Variants in PRKN observed in about 807,000 individuals in gnomAD.
PRKN encodes E3 ubiquitin-protein ligase parkin.
A neutral mutation model predicts 59.5 loss-of-function variants in PRKN; 56 were observed. The ratio of observed to expected loss-of-function variants is 0.94; its 90% CI spans 0.76 to 1.18. The LOEUF (loss-of-function observed/expected upper bound fraction) is 1.18, where lower values mean the gene tolerates loss of function less well. PRKN is among the 50% of genes most tolerant of loss of function. PRKN has a pLI of 0.00. For synonymous variants in PRKN, 250 were observed against 222.1 expected (o/e 1.13, Z -1.12); for missense variants, 657 against 596.4 (o/e 1.10, Z -1.06).
At position 162,624,639 on chromosome 6, in the gene PRKN, A is replaced by G; in HGVS notation, c.7+103023T>C. 2 of 152,248 alleles carry G rather than the reference A, an allele frequency of 1.3e-5. 1 individual carries two copies. The highest frequency in any genetic ancestry group is 2.9e-5 in the Non-Finnish European group (2 of 68,040). The allele number at this position is 152,248 out of a possible 1,614,324, so 9.4% of individuals were successfully genotyped here. A position where few individuals can be genotyped will look rare whatever the true frequency, so the allele number is the denominator to read the frequency against. On this transcript the variant is annotated intron_variant, in intron 1 of 11. Transcript: ENST00000366898. ...AGCTGCATCTTAAAAGACTCTTGGG[A>G]TTCAAACAATCTATAGGAGGAAGAC...
chr6:162,190,960 A>G (rs1304037525), intron 4 of PRKN, among the ~76,000 whole-genome samples: 1 of 151,936 alleles, frequency 6.6e-6, no homozygotes, highest in Non-Finnish European at 1.5e-5. Context: ...TTCACTCTGC[A>G]GAGACTCAGG....
chr6:162,151,900 T>G (rs1352939440), intron 4 of PRKN, among the ~76,000 whole-genome samples: 1 of 152,108 alleles, frequency 6.6e-6, no homozygotes, highest in Non-Finnish European at 1.5e-5. Flanking sequence ...TAATTTACAC[T>G]GATTATTTTA....
rs35025497 is a variant in PRKN at position 162,216,536 on chromosome 6, CAAAAA to C, written c.413-15289_413-15285del. Among the ~76,000 whole-genome samples, 236 of 34,942 alleles carry C rather than the reference CAAAAA, an allele frequency of 6.8e-3. 1 individual carries two copies. The highest frequency in any genetic ancestry group is 0.047 in the East Asian group (65 of 1,374). The allele number at this position is 34,942 out of a possible 152,430, so 22.9% of individuals were successfully genotyped here. A position where few individuals can be genotyped will look rare whatever the true frequency, so the allele number is the denominator to read the frequency against. ...TGGGCGACAGAGCGAGACTCCGTCT[CAAAAA>C]AAAAAAAAAAAAAAAAAAAAAAACC... On this transcript the variant is annotated intron_variant, in intron 3 of 11. Transcript: ENST00000366898.
At chr6:162,572,557 A>C (rs1780381734) in intron 1 of PRKN, among the ~76,000 whole-genome samples, 1 of 152,162 alleles carries the variant, frequency 6.6e-6, no homozygotes, top group Non-Finnish European at 1.5e-5. Flanking sequence ...CACTAGAGAG[A>C]GCAAAACGTC....
intron 3 of PRKN, among the ~76,000 whole-genome samples, chr6:162,249,148 G>A (rs183337651): frequency 2.0e-5 from 3 of 152,272 alleles, no homozygotes; most frequent in Admixed American, 2.0e-4. Flanking sequence ...AAAGGGCTGG[G>A]ATTACAGGCG....
At chr6:162,491,618 G>C (rs1792819826) in intron 1 of PRKN, among the ~76,000 whole-genome samples, 1 of 152,214 alleles carries the variant, frequency 6.6e-6, no homozygotes, top group Admixed American at 6.5e-5. Context: ...TAGCCATCCG[G>C]CTCATACACA....
chr6:162,648,714 T>C (rs1379663051), intron 1 of PRKN, among the ~76,000 whole-genome samples: 1 of 152,172 alleles, frequency 6.6e-6, no homozygotes, highest in Non-Finnish European at 1.5e-5. Context: ...ATCTTGACAG[T>C]TTGTGAGTAA....
chr6:162,561,335 G>A (rs192559811), intron 1 of PRKN, among the ~76,000 whole-genome samples: 147 of 152,256 alleles, frequency 9.7e-4, no homozygotes, highest in African/African-American at 3.4e-3. Flanking sequence ...AAGACTGAGC[G>A]AAAGAAGAAA....
rs1786948575 is a variant in PRKN, at chr6:161,399,912, TAAC to T, written c.1084-13038_1084-13036del. Among the ~76,000 whole-genome samples the T allele has an allele frequency of 2.6e-5, 4 of 152,356 alleles. No individual in the cohort carries two copies. The South Asian group carries it at 8.3e-4, about 32-fold the overall frequency. ...GTAAAATTAATTTCAATATTTTACTTAACTAAATATATTCAAAATTGTATCATT... is the reference window on the plus strand; with the variant it reads ...GTAAAATTAATTTCAATATTTTACTTTAAATATATTCAAAATTGTATCATT... On this transcript the variant is annotated intron_variant, in intron 9 of 11. Transcript: ENST00000366898. The surrounding 1 kb of genome is among the most constrained non-coding windows in gnomAD (Gnocchi z 4.4).
chr6:162,717,396 G>T (rs1427659233), intron 1 of PRKN, among the ~76,000 whole-genome samples: 1 of 151,948 alleles, frequency 6.6e-6, no homozygotes, highest in East Asian at 1.9e-4. Context: ...GGGCAACATA[G>T]CAAGATCCTG....
chr6:161,480,621 C>T lies in PRKN; in HGVS notation c.1083+68233G>A, dbSNP rs1212767735. 6.6e-6 allele frequency among the ~76,000 whole-genome samples: 1 copy of T among 152,104 alleles called. No homozygotes were observed. Among genetic ancestry groups the T allele is most frequent in the Non-Finnish European group, 1.5e-5 (1 of 68,022 alleles). On this transcript the variant is annotated intron_variant, in intron 9 of 11. Transcript: ENST00000366898. This position sits in a 1 kb window ranked among gnomAD's most constrained non-coding sequence, Gnocchi z 4.1. ...CAAGTACACTATTACAGGAAGCAGA[C>T]AAGACTCAGGAAATATCGTCTCCTT...
Position 162,217,110 on chromosome 6 carries a change from C to A in PRKN, c.413-15858G>T, listed in dbSNP as rs79869887. ...TGCAGCTATTCTACAATCGAAGAAT[C>A]TCTCCTTAATCAAGGAAAATGATTC... is the stretch of plus-strand genomic sequence containing the variant. On this transcript the variant is annotated intron_variant, in intron 3 of 11. Transcript: ENST00000366898. Among the ~76,000 whole-genome samples the A allele has an allele frequency of 5.9e-5, 9 of 152,250 alleles. No homozygotes were observed. In the East Asian group the frequency reaches 1.2e-3, roughly 20 times the overall value.
intron 5 of PRKN, among the ~76,000 whole-genome samples, chr6:162,013,121 T>C (rs1217681390): frequency 6.6e-6 from 1 of 152,176 alleles, no homozygotes; most frequent in Non-Finnish European, 1.5e-5. Context: ...GAATCAATCC[T>C]TCTACATGTG....
chr6:162,460,459 C>G (rs896589497), intron 1 of PRKN, among the ~76,000 whole-genome samples: 1 of 152,156 alleles, frequency 6.6e-6, no homozygotes, highest in Non-Finnish European at 1.5e-5. Flanking sequence ...GGTTACAAAA[C>G]TCTGTGAATA....
rs55928459 is a variant in PRKN at position 161,459,416 on chromosome 6, A to G, written c.1084-72539T>C. Among the ~76,000 whole-genome samples the G allele has an allele frequency of 4.0e-3, 609 of 152,360 alleles. 3 individuals carry two copies. The highest frequency in any genetic ancestry group is 0.014 in the African/African-American group (585 of 41,578). ...TTTTGAGAAAGTCCAAGCTGTGCACATGTTGAAATAAATCAGAGGCCTGTT... is the reference window on the plus strand; with the variant it reads ...TTTTGAGAAAGTCCAAGCTGTGCACGTGTTGAAATAAATCAGAGGCCTGTT... On this transcript the variant is annotated intron_variant, in intron 9 of 11. Transcript: ENST00000366898. The surrounding 1 kb of genome is among the most constrained non-coding windows in gnomAD (Gnocchi z 4.8).
chr6:162,633,137 T>TA (rs1052270667), intron 1 of PRKN, among the ~76,000 whole-genome samples: 23 of 147,566 alleles, frequency 1.6e-4, no homozygotes, highest in Non-Finnish European at 1.5e-4. Context: ...GCTAAACCTT[T>TA]AAAAAAAAAA....
intron 7 of PRKN, among the ~76,000 whole-genome samples, chr6:161,619,905 T>G (rs1223975265): frequency 6.6e-6 from 1 of 152,028 alleles, no homozygotes; most frequent in Non-Finnish European, 1.5e-5. Flanking sequence ...AAATATATTA[T>G]TAAAATTAAC....
chr6:161,653,678 G>A (rs1015833891), intron 7 of PRKN, among the ~76,000 whole-genome samples: 15 of 152,156 alleles, frequency 9.9e-5, no homozygotes, highest in African/African-American at 2.9e-4. Flanking sequence ...GAAGTACATC[G>A]TATATATACT....
chr6:161,997,425 T>C (rs1171377078), intron 5 of PRKN, among the ~76,000 whole-genome samples: 1 of 152,074 alleles, frequency 6.6e-6, no homozygotes, highest in Non-Finnish European at 1.5e-5. Context: ...ATTTACAACT[T>C]GTGGGTTTTG....
Sources: allele counts gnomAD v4.1 joint callset (sites outside exome capture counted in the v4.1 genomes callset), GRCh38; gene constraint gnomAD v4.1.1; non-coding constraint Gnocchi (gnomAD v3.1); transcripts MANE v1.5; gene names NCBI Gene and HGNC (gene_info 2026-07-23, HGNC 2026-07-21).